CARS2: variants seen among roughly 807,000 people sequenced by gnomAD.
The protein encoded by CARS2 is probable cysteine--tRNA ligase, mitochondrial.
In CARS2, 52 loss-of-function variants were observed where a neutral mutation model predicts 68.8. That is an observed-to-expected ratio of 0.76 (90% CI 0.61 to 0.95). The LOEUF is 0.95. Among genes scored for constraint, CARS2 ranks in the 40% least tolerant of loss-of-function variants. The probability of loss-of-function intolerance (pLI) is 0.00; values close to 1 mark genes in which losing one functional copy is unlikely to be tolerated. For missense variants in CARS2, 780 were observed against 754.2 expected (o/e 1.03, Z -0.40); for synonymous variants, 314 against 303.6 (o/e 1.03, Z -0.36).
chr13:110,644,589 T>C, intron 12 of CARS2, 106 bp from the exon 13 acceptor site: 1 of 1,526,934 alleles, frequency 6.5e-7, no homozygotes, highest in Non-Finnish European at 8.8e-7. Flanking sequence ...CACTTCAGTC[T>C]GGCCTTTCTC....
chr13:110,711,593 A>G (rs962192553), intron 1 of CARS2, among the ~76,000 whole-genome samples: 2 of 152,264 alleles, frequency 1.3e-5, no homozygotes, highest in African/African-American at 2.4e-5. Context: ...GCTTTTAACT[A>G]GGCCAAGACT....
At chr13:110,650,829 C>A in intron 10 of CARS2, 1 of 520,534 alleles carries the variant, frequency 1.9e-6, no homozygotes, top group Non-Finnish European at 3.4e-6. Flanking sequence ...ACGAGGAAGC[C>A]CACATCCACT....
rs527873981 is a variant in CARS2, at chr13:110,686,343, A to G, written c.571+1378T>C. Among the ~76,000 whole-genome samples, 27 of 151,452 alleles carry G rather than the reference A, an allele frequency of 1.8e-4. No homozygotes were observed. The South Asian group carries it at 5.4e-3, about 30-fold the overall frequency. ...TGCAGCCTCGAATTTCCTGGGCTCA[A>G]TCTATCCTCTCACCTCGGCCTCCTG... On this transcript the variant is annotated intron_variant, in intron 5 of 14. Coordinates refer to ENST00000257347, the MANE Select transcript of CARS2 (RefSeq NM_024537.4).
upstream of CARS2, among the ~76,000 whole-genome samples, chr13:110,708,319 G>T (rs1161885602): frequency 6.6e-6 from 1 of 152,230 alleles, no homozygotes; most frequent in Non-Finnish European, 1.5e-5. Flanking sequence ...AGATGTGCCA[G>T]TAAATAAAGC....
chr13:110,683,175 T>C, intron 5 of CARS2, 41 bp from the exon 6 acceptor site: 1 of 1,364,822 alleles, frequency 7.3e-7, no homozygotes, highest in Non-Finnish European at 1.0e-6. Context: ...CTTCTCAGTC[T>C]GAATATCAGC....
rs143052476 is a variant in CARS2 at position 110,703,441 on chromosome 13, C to T, written c.276-1886G>A. Among the ~76,000 whole-genome samples, 417 of 152,322 alleles carry T rather than the reference C, an allele frequency of 2.7e-3. 2 individuals carry two copies. The highest frequency in any genetic ancestry group is 4.7e-3 in the Non-Finnish European group (319 of 68,026). ...TGGTCAACAGGAGAGTCCCAAGCTC[C>T]CACCAGCCCCTGGGAAGGCCCTGTG... On this transcript the variant is annotated intron_variant, in intron 2 of 14. Coordinates refer to ENST00000257347, the MANE Select transcript of CARS2 (RefSeq NM_024537.4).
intron 14 of CARS2, among the ~76,000 whole-genome samples, 188 bp downstream of exon 14, chr13:110,642,127 G>GGAGGCA (rs1407786011): frequency 6.6e-6 from 1 of 152,180 alleles, no homozygotes; most frequent in African/African-American, 2.4e-5. Context: ...CTTGAACCTG[G>GGAGGCA]GAGGCAGAGG....
At chr13:110,696,948 A>G (rs770546420) in intron 3 of CARS2, among the ~76,000 whole-genome samples, 5 of 151,998 alleles carry the variant, frequency 3.3e-5, no homozygotes, top group Non-Finnish European at 7.4e-5. Context: ...CTCCAAGTAC[A>G]CTGTGTCCTC....
intron 13 of CARS2, 106 bp from the exon 14 acceptor site, chr13:110,642,627 C>T: frequency 9.3e-7 from 1 of 1,080,704 alleles, no homozygotes; most frequent in Non-Finnish European, 1.4e-6. Flanking sequence ...CAGCCCTGGG[C>T]TTCCCTGATT....
chr13:110,712,858 T>C, intron 1 of CARS2: 2 of 1,233,130 alleles, frequency 1.6e-6, no homozygotes, highest in Non-Finnish European at 2.3e-6. Context: ...TCAGGCCCCT[T>C]TGTCTCCAAG....
At chr13:110,707,887 A>T (rs1035426579), upstream of CARS2, among the ~76,000 whole-genome samples, 6 of 152,202 alleles carry the variant, frequency 3.9e-5, no homozygotes, top group African/African-American at 1.4e-4. Context: ...TTTCAAGCTA[A>T]CTGTAGTCTA....
intron 3 of CARS2, among the ~76,000 whole-genome samples, chr13:110,696,883 C>T (rs1321165068): frequency 6.6e-6 from 1 of 152,196 alleles, no homozygotes; most frequent in Non-Finnish European, 1.5e-5. Flanking sequence ...GCTCTTGTCC[C>T]GCTTCTCTGA....
At chr13:110,649,765 G>A (rs962377659) in intron 10 of CARS2, among the ~76,000 whole-genome samples, 9 of 151,918 alleles carry the variant, frequency 5.9e-5, no homozygotes, top group African/African-American at 1.5e-4. Flanking sequence ...AGCAACCCTC[G>A]CTCACCAGGA....
At position 110,664,158 on chromosome 13, in the gene CARS2, G is replaced by C. The variant is rs568064220; in HGVS notation, c.920-640C>G. The stretch of plus-strand genomic sequence containing the variant: ...TTTACAAGGCTTATCTCCAAGAGAA[G>C]GGCTTTCTGTTTCTAACAGAAGACT... On this transcript the variant is annotated intron_variant, in intron 8 of 14. Coordinates refer to ENST00000257347, the MANE Select transcript of CARS2 (RefSeq NM_024537.4). The C allele has an allele frequency of 1.1e-5, 11 of 985,274 alleles. No individual in the cohort carries two copies. In the South Asian group the frequency reaches 5.2e-4, roughly 46 times the overall value. 61.0% of individuals were successfully genotyped at this position (985,274 alleles called of 1,614,324 possible).
At chr13:110,689,637 T>C (rs754736604) in intron 3 of CARS2, among the ~76,000 whole-genome samples, 1 of 152,194 alleles carries the variant, frequency 6.6e-6, no homozygotes, top group African/African-American at 2.4e-5. Context: ...CTTAGACTGC[T>C]AGAAGAACCA....
chr13:110,663,602 A>G, intron 8 of CARS2, 84 bp from the exon 9 acceptor site: 2 of 1,565,946 alleles, frequency 1.3e-6, no homozygotes, highest in Non-Finnish European at 1.7e-6. Flanking sequence ...CAGGAAACGA[A>G]TGGGAACCTG....
intron 3 of CARS2, among the ~76,000 whole-genome samples, chr13:110,691,315 C>A (rs896383194): frequency 1.3e-5 from 2 of 152,132 alleles, no homozygotes; most frequent in Non-Finnish European, 2.9e-5. Flanking sequence ...CGTGCCAGGC[C>A]GGAAGTATTT....
intron 6 of CARS2, among the ~76,000 whole-genome samples, chr13:110,681,901 T>C (rs965067219): frequency 6.6e-6 from 1 of 152,194 alleles, no homozygotes; most frequent in African/African-American, 2.4e-5. Context: ...AGACCAGTGA[T>C]TTCCAGGGAT....
chr13:110,651,738 G>C (rs1284360100), intron 9 of CARS2, among the ~76,000 whole-genome samples: 1 of 152,242 alleles, frequency 6.6e-6, no homozygotes, highest in Non-Finnish European at 1.5e-5. Context: ...GAAAACGTCT[G>C]TCCAGAAAGA....
Sources: allele counts gnomAD v4.1 joint callset (sites outside exome capture counted in the v4.1 genomes callset), GRCh38; gene constraint gnomAD v4.1.1; transcripts MANE v1.5; gene names NCBI Gene and HGNC (gene_info 2026-07-23, HGNC 2026-07-21).